Variants in CHRM3 observed in about 807,000 individuals in gnomAD.
CHRM3 encodes the protein muscarinic acetylcholine receptor M3.
CHRM3 carries 11 observed loss-of-function variants against 41.8 expected under a neutral mutation model. The observed-to-expected ratio is 0.26, with a 90% confidence interval of 0.17 to 0.44. CHRM3 has a LOEUF of 0.44. Among genes scored for constraint, CHRM3 ranks in the 20% least tolerant of loss-of-function variants. CHRM3 has a pLI of 1.00. For missense variants in CHRM3, 571 were observed against 745.4 expected (o/e 0.77, Z 2.72); for synonymous variants, 297 against 301.4 (o/e 0.99, Z 0.15).
At chr1:239,408,531 A>AAAC (rs909462477) in intron 1 of CHRM3, among the ~76,000 whole-genome samples, 5 of 150,968 alleles carry the variant, frequency 3.3e-5, no homozygotes, top group South Asian at 2.1e-4. Flanking sequence ...CAAAAAAAAA[A>AAAC]AAAAAAAAAA....
At chr1:239,591,587 G>A (rs1167982421) in intron 3 of CHRM3, among the ~76,000 whole-genome samples, 1 of 151,506 alleles carries the variant, frequency 6.6e-6, no homozygotes, top group Admixed American at 6.6e-5. Context: ...CACCATGCGT[G>A]CCGTCTTTTC....
chr1:239,804,342 G>GTTT (rs11428693), intron 5 of CHRM3, among the ~76,000 whole-genome samples: 1 of 149,964 alleles, frequency 6.7e-6, no homozygotes, highest in Non-Finnish European at 1.5e-5. Flanking sequence ...CATTCATTGT[G>GTTT]TTTTTTTTTT....
intron 1 of CHRM3, among the ~76,000 whole-genome samples, chr1:239,452,443 G>A (rs1447856062): frequency 6.6e-6 from 1 of 152,180 alleles, no homozygotes; most frequent in Non-Finnish European, 1.5e-5. Context: ...AGACTTTAAA[G>A]GTGATTGCCA....
chr1:239,533,161 A>C (rs1657826234), intron 2 of CHRM3, among the ~76,000 whole-genome samples: 1 of 152,144 alleles, frequency 6.6e-6, no homozygotes, highest in Non-Finnish European at 1.5e-5. Context: ...TTAAAAATAC[A>C]GAACAGGACC....
intron 5 of CHRM3, among the ~76,000 whole-genome samples, chr1:239,733,188 G>A (rs1365753744): frequency 2.0e-5 from 3 of 151,918 alleles, no homozygotes; most frequent in Non-Finnish European, 4.4e-5. Flanking sequence ...CCACCTGTTG[G>A]AGTTATTAAC....
At chr1:239,432,986 C>T (rs1662946408) in intron 1 of CHRM3, among the ~76,000 whole-genome samples, 1 of 152,080 alleles carries the variant, frequency 6.6e-6, no homozygotes, top group African/African-American at 2.4e-5. Flanking sequence ...ACTTTTTCCC[C>T]TACAACTTTA....
intron 1 of CHRM3, among the ~76,000 whole-genome samples, chr1:239,469,454 T>G (rs1360244490): frequency 6.6e-6 from 1 of 152,252 alleles, no homozygotes; most frequent in Non-Finnish European, 1.5e-5. Context: ...ACAAACTTTA[T>G]TTTTACAATC....
chr1:239,713,163 A>G (rs1661986669), intron 5 of CHRM3, among the ~76,000 whole-genome samples: 1 of 152,194 alleles, frequency 6.6e-6, no homozygotes, highest in African/African-American at 2.4e-5. Flanking sequence ...AAGTACATTA[A>G]GTGGGAGGCA....
At chr1:239,726,615 A>G (rs1002528801) in intron 5 of CHRM3, among the ~76,000 whole-genome samples, 4 of 151,952 alleles carry the variant, frequency 2.6e-5, no homozygotes, top group African/African-American at 7.2e-5. Context: ...CTGATTCTCT[A>G]TAAGATGCAT....
At chr1:239,666,209 G>C (rs368632138) in intron 4 of CHRM3, among the ~76,000 whole-genome samples, 1 of 150,120 alleles carries the variant, frequency 6.7e-6, no homozygotes, top group Non-Finnish European at 1.5e-5. Flanking sequence ...TTTTTTTGGC[G>C]GGGGGGATGG....
intron 6 of CHRM3, among the ~76,000 whole-genome samples, chr1:239,833,005 TTCAAGATGGGGTCTCTC>T (rs1275400221): frequency 6.6e-6 from 1 of 152,078 alleles, no homozygotes; most frequent in East Asian, 1.9e-4. Flanking sequence ...CCAGCCCTCA[TTCAAGATGGGGTCTCTC>T]TGGTTCAAAC....
At chr1:239,580,521 CA>C (rs1285471962) in intron 3 of CHRM3, among the ~76,000 whole-genome samples, 3 of 151,648 alleles carry the variant, frequency 2.0e-5, no homozygotes, top group Non-Finnish European at 2.9e-5. Flanking sequence ...CCTCACCCAA[CA>C]GAAGAAAGAA....
At chr1:239,747,888 T>A (rs528358652) in intron 5 of CHRM3, among the ~76,000 whole-genome samples, 284 of 151,816 alleles carry the variant, frequency 1.9e-3, no homozygotes, top group African/African-American at 6.6e-3. Flanking sequence ...AGAAAAAAAA[T>A]TAGCTGGGCA....
chr1:239,755,038 A>G (rs1252322994), intron 5 of CHRM3, among the ~76,000 whole-genome samples: 2 of 152,200 alleles, frequency 1.3e-5, no homozygotes, highest in African/African-American at 4.8e-5. Flanking sequence ...AAAGCTTACA[A>G]GAGCTTTCCT....
chr1:239,407,417 T>TATATATATATATAGAG, intron 1 of CHRM3, among the ~76,000 whole-genome samples: 1 of 134,124 alleles, frequency 7.5e-6, no homozygotes, highest in South Asian at 2.4e-4. Context: ...TATATATATA[T>TATATATATATATAGAG]AGAGAGAGAG....
At chr1:239,834,757 G>A (rs991090093) in intron 6 of CHRM3, among the ~76,000 whole-genome samples, 4 of 152,028 alleles carry the variant, frequency 2.6e-5, no homozygotes, top group South Asian at 2.1e-4. Flanking sequence ...GTATACGGCT[G>A]CCTCCACCAA....
chr1:239,877,490 T>C (rs1365729651), intron 6 of CHRM3, among the ~76,000 whole-genome samples: 5 of 152,200 alleles, frequency 3.3e-5, no homozygotes. Context: ...AAACCCTAAC[T>C]GGTGAATAAT....
At chr1:239,853,158 A>G (rs866417066) in intron 6 of CHRM3, among the ~76,000 whole-genome samples, 14 of 152,006 alleles carry the variant, frequency 9.2e-5, no homozygotes, top group Non-Finnish European at 1.6e-4. Flanking sequence ...ACCTCTCAAT[A>G]AAGTGTTGGT....
chr1:239,608,209 CA>C (rs1363649126), intron 3 of CHRM3, among the ~76,000 whole-genome samples: 26 of 152,034 alleles, frequency 1.7e-4, no homozygotes, highest in African/African-American at 6.3e-4. Flanking sequence ...ATTTTGAAAC[CA>C]TTTAGTTATA....
Sources: allele counts gnomAD v4.1 joint callset (sites outside exome capture counted in the v4.1 genomes callset), GRCh38; gene constraint gnomAD v4.1.1; transcripts MANE v1.5; gene names NCBI Gene and HGNC (gene_info 2026-07-23, HGNC 2026-07-21).